Variants in BCAP31 observed in about 807,000 individuals in gnomAD.
BCAP31 encodes B cell receptor associated protein 31, also known as B-cell receptor-associated protein 31.
For missense variants in BCAP31, 124 were observed against 193.0 expected (o/e 0.64, Z 2.12); for synonymous variants, 75 against 80.9 (o/e 0.93, Z 0.39).
chrX:153,723,969 C>A lies in BCAP31; in HGVS notation c.-45+365G>T, dbSNP rs782342368. On this transcript the variant is annotated intron_variant, in intron 1 of 7. Coordinates refer to ENST00000345046, the MANE Select transcript of BCAP31 (RefSeq NM_001256447.2). ...CGACCAAGCACCTCAAGGCCCCATACGGAGAAAGTTCTAGACGCAGTATCC... is the reference window on the plus strand; with the variant it reads ...CGACCAAGCACCTCAAGGCCCCATAAGGAGAAAGTTCTAGACGCAGTATCC... 2.3e-4 allele frequency: 102 copies of A among 434,756 alleles called. 3 individuals carry two copies. The South Asian group carries it at 2.5e-3, about 11-fold the overall frequency. The allele number at this position is 434,756 out of a possible 1,213,427, so 35.8% of individuals were successfully genotyped here. A position where few individuals can be genotyped will look rare whatever the true frequency, so the allele number is the denominator to read the frequency against.
intron 7 of BCAP31, among the ~76,000 whole-genome samples, chrX:153,701,467 T>C (rs2091517532): frequency 8.9e-6 from 1 of 112,899 alleles, no homozygotes. Flanking sequence ...AGTATTTATG[T>C]GGCCCTCACT....
intron 4 of BCAP31, among the ~76,000 whole-genome samples, 200 bp from the exon 5 acceptor site, chrX:153,704,294 T>C (rs2091539498): frequency 8.9e-6 from 1 of 112,082 alleles, no homozygotes; most frequent in Non-Finnish European, 1.9e-5. Context: ...CCTCTGCCGC[T>C]GTGCCCAACG....
chrX:153,701,811 G>C (rs1334285752), intron 7 of BCAP31, among the ~76,000 whole-genome samples, 196 bp downstream of exon 7: 3 of 113,199 alleles, frequency 2.7e-5, no homozygotes, highest in Non-Finnish European at 5.6e-5. Flanking sequence ...GCCTTGGCAA[G>C]TGCCTACATC....
rs186522442 is a variant in BCAP31 at position 153,708,427 on chromosome X, C to T, written c.342-4333G>A. Among the ~76,000 whole-genome samples, 607 of 112,514 alleles carry T rather than the reference C, an allele frequency of 5.4e-3. 7 individuals are homozygous for T. The highest frequency in any genetic ancestry group is 0.018 in the African/African-American group (548 of 31,012). On this transcript the variant is annotated intron_variant, in intron 4 of 7. Coordinates refer to ENST00000345046, the MANE Select transcript of BCAP31 (RefSeq NM_001256447.2). ...AAAGATTCCATGCTGTGGCCACCCCCGGCCCGCCCTGCTGACGGGTTTCAG... is the reference window on the plus strand; with the variant it reads ...AAAGATTCCATGCTGTGGCCACCCCTGGCCCGCCCTGCTGACGGGTTTCAG...
At chrX:153,704,994 CG>C (rs1243837782) in intron 4 of BCAP31, 1 of 111,872 alleles carries the variant, frequency 8.9e-6, no homozygotes, top group African/African-American at 3.2e-5. Flanking sequence ...ACCCTTGCCC[CG>C]AGATGTTAGC....
Position 153,702,019 on chromosome X carries a change from G to A in BCAP31, c.690C>T (p.His230=), listed in dbSNP as rs782044539. The change falls in exon 7 of 8, where the codon CAC becomes CAT. Residue 230 remains histidine (H), a synonymous_variant. Transcript: ENST00000345046. ...CGGGAGGGCTGACCTGCAGCTTTGC[G>A]TGCTCCTCCAGCAAGCGGTCGTACT... ...TKEYDRLLEE[H]AKLQAAVDGP... The A allele has an allele frequency of 2.6e-5, 31 of 1,209,862 alleles. No individual in the cohort carries two copies. The highest frequency in any genetic ancestry group is 2.3e-4 in the Middle Eastern group (1 of 4,268).
chrX:153,717,574 CAGTT>C (rs1163511627), intron 3 of BCAP31, among the ~76,000 whole-genome samples: 10 of 112,430 alleles, frequency 8.9e-5, no homozygotes, highest in African/African-American at 2.9e-4. Context: ...CTACCACACT[CAGTT>C]AATTTTTTCT....
In BCAP31 at chrX:153,703,991, T is replaced by G; in HGVS notation, c.445A>C (p.Lys149Gln). 8.3e-7 allele frequency: 1 copy of G among 1,211,648 alleles called. No individual in the cohort carries two copies. The highest frequency in any genetic ancestry group is 1.1e-6 in the Non-Finnish European group (1 of 895,340). The change falls in exon 5 of 8, where the codon AAG becomes CAG. Residue 149 changes from lysine to glutamine, a missense_variant. Lys to Gln is a moderately conservative substitution (Grantham distance 53, BLOSUM62 1). Transcript: ENST00000345046. ...QAESASEAAKKYMEENDQLKK... is the reference protein window; with the variant it reads ...QAESASEAAKQYMEENDQLKK... ...AGCTGGTCATTCTCCTCCATGTACT[T>G]CTTGGCCGCCTCACTAGCACTCTCC...
At chrX:153,720,412 T>C (rs1278539356) in intron 3 of BCAP31, among the ~76,000 whole-genome samples, 1 of 108,318 alleles carries the variant, frequency 9.2e-6, no homozygotes, top group Non-Finnish European at 1.9e-5. Flanking sequence ...TTGCCCAGGC[T>C]GGAGTGCAAT....
intron 4 of BCAP31, among the ~76,000 whole-genome samples, chrX:153,706,163 C>A (rs1465504906): frequency 9.0e-6 from 1 of 111,371 alleles, no homozygotes; most frequent in South Asian, 3.8e-4. Context: ...GTTCCCCTTC[C>A]TCTTGCCAAC....
At chrX:153,720,640 A>G (rs991317039) in intron 3 of BCAP31, among the ~76,000 whole-genome samples, 2 of 112,110 alleles carry the variant, frequency 1.8e-5, no homozygotes, top group African/African-American at 6.5e-5. Flanking sequence ...CTGGGATTAC[A>G]GGCATGAGCC....
intron 1 of BCAP31, chrX:153,723,810 G>A (rs1294684799): frequency 8.8e-6 from 7 of 791,114 alleles, no homozygotes; most frequent in African/African-American, 8.4e-5. Context: ...CACGGCGCCC[G>A]CGGAGAGAAA....
At chrX:153,709,209 T>C (rs2091574160) in intron 4 of BCAP31, among the ~76,000 whole-genome samples, 1 of 111,666 alleles carries the variant, frequency 9.0e-6, no homozygotes, top group Non-Finnish European at 1.9e-5. Flanking sequence ...TGTGATTAGA[T>C]GACTCAACCT....
intron 4 of BCAP31, among the ~76,000 whole-genome samples, chrX:153,706,771 G>A (rs1312634690): frequency 9.3e-6 from 1 of 108,096 alleles, no homozygotes. Context: ...TGGTGGGCAG[G>A]CAAACCGCCT....
intron 3 of BCAP31, among the ~76,000 whole-genome samples, chrX:153,719,230 C>G (rs2091649021): frequency 9.0e-6 from 1 of 111,705 alleles, no homozygotes; most frequent in South Asian, 3.7e-4. Context: ...TCATCCTCAG[C>G]ATGGTCCCTC....
intron 4 of BCAP31, among the ~76,000 whole-genome samples, chrX:153,713,979 A>G (rs1226317390): frequency 2.0e-5 from 2 of 101,337 alleles, no homozygotes; most frequent in Non-Finnish European, 4.0e-5. Flanking sequence ...GGTTCAAGCA[A>G]TTCTCCTGCC....
chrX:153,721,928 CACA>C (rs1374217521), intron 2 of BCAP31, among the ~76,000 whole-genome samples: 1 of 110,579 alleles, frequency 9.0e-6, no homozygotes, highest in Non-Finnish European at 1.9e-5. Flanking sequence ...ACAAAAAAAC[CACA>C]ACAACAAAAA....
chrX:153,705,235 C>T (rs1175268780), intron 4 of BCAP31: 3 of 113,281 alleles, frequency 2.6e-5, no homozygotes, highest in African/African-American at 9.6e-5. Context: ...AGGGGCAGCC[C>T]GGAAGGGCTG....
At chrX:153,722,399 T>G (rs182874406) in intron 2 of BCAP31, among the ~76,000 whole-genome samples, 1 of 111,733 alleles carries the variant, frequency 8.9e-6, no homozygotes, top group East Asian at 2.8e-4. Flanking sequence ...TCAGATTGTC[T>G]GTCCTCTAAA....
Sources: allele counts gnomAD v4.1 joint callset (sites outside exome capture counted in the v4.1 genomes callset), GRCh38; gene constraint gnomAD v4.1.1; transcripts MANE v1.5; gene names NCBI Gene and HGNC (gene_info 2026-07-23, HGNC 2026-07-21).